Variants in FIBCD1 observed in about 807,000 individuals in gnomAD.
The protein encoded by FIBCD1 is fibrinogen C domain containing 1, also known as fibrinogen C domain-containing protein 1.
A neutral mutation model predicts 45.1 loss-of-function variants in FIBCD1; 47 were observed. The ratio of observed to expected loss-of-function variants is 1.04; its 90% CI spans 0.82 to 1.33. The LOEUF (loss-of-function observed/expected upper bound fraction) is 1.33. Ranked by LOEUF, FIBCD1 falls within the 40% of genes most tolerant of loss-of-function variation. The probability of loss-of-function intolerance (pLI) is 0.00; values close to 1 mark genes in which losing one functional copy is unlikely to be tolerated. For synonymous variants in FIBCD1, 313 were observed against 308.1 expected (o/e 1.02, Z -0.17); for missense variants, 653 against 682.2 (o/e 0.96, Z 0.48).
At chr9:130,905,037 A>T (rs7033886) in intron 6 of FIBCD1, among the ~76,000 whole-genome samples, 197 bp downstream of exon 6, 6,403 of 152,262 alleles carry the variant, frequency 0.042, 434 homozygotes, top group African/African-American at 0.14. Flanking sequence ...CTTAAAAAAA[A>T]TTTAGATTGG....
In FIBCD1 at chr9:130,903,642, G is replaced by A. The variant is rs1220256831; in HGVS notation, c.*422C>T. The stretch of plus-strand genomic sequence containing the variant: ...CTCAGAGAGACCTGACGTTCCCCAC[G>A]ATCTGCTAGGAGGACTCCAGGGGTG... On this transcript the variant is annotated 3_prime_UTR_variant, in exon 7 of 7. Transcript: ENST00000372338. The A allele has an allele frequency of 6.9e-6, 2 of 289,944 alleles. No individual in the cohort carries two copies. The highest frequency in any genetic ancestry group is 4.3e-5 in the African/African-American group (2 of 46,062). The allele number at this position is 289,944 out of a possible 1,614,324, so 18.0% of individuals were successfully genotyped here. A position where few individuals can be genotyped will look rare whatever the true frequency, so the allele number is the denominator to read the frequency against.
upstream of FIBCD1, among the ~76,000 whole-genome samples, chr9:130,939,818 G>A (rs1832589565): frequency 6.6e-6 from 1 of 151,948 alleles, no homozygotes; most frequent in Non-Finnish European, 1.5e-5. Context: ...AGCGGCCTTC[G>A]GAGGTAATTG....
rs1267924683 is a variant in FIBCD1, at chr9:130,926,571, G to A, written c.553-2175C>T. 3.9e-5 allele frequency among the ~76,000 whole-genome samples: 6 copies of A among 152,232 alleles called. No homozygotes were observed. Among genetic ancestry groups the A allele is most frequent in the Non-Finnish European group, 4.4e-5 (3 of 68,044 alleles). The stretch of plus-strand genomic sequence containing the variant: ...GTGGTGGCTCACGCCTGTAATCCCA[G>A]CACTTTGGGAGGCCAAGTTGGGTGG... On this transcript the variant is annotated intron_variant, in intron 2 of 6. Transcript: ENST00000372338. The surrounding 1 kb of genome is among the most constrained non-coding windows in gnomAD (Gnocchi z 4.1).
chr9:130,910,940 CT>C (rs1393726139), intron 5 of FIBCD1, among the ~76,000 whole-genome samples: 11 of 152,172 alleles, frequency 7.2e-5, no homozygotes, highest in Non-Finnish European at 1.6e-4. Flanking sequence ...GGTGGAGAAC[CT>C]TTGTGTCTAG....
chr9:130,935,897 G>A (rs975990403), intron 1 of FIBCD1, among the ~76,000 whole-genome samples: 44 of 152,176 alleles, frequency 2.9e-4, no homozygotes, highest in African/African-American at 9.4e-4. Context: ...CTTGGAGTGC[G>A]GCGTCAGCGT....
intron 4 of FIBCD1, among the ~76,000 whole-genome samples, chr9:130,913,451 G>A (rs1832102476): frequency 6.6e-6 from 1 of 152,338 alleles, no homozygotes; most frequent in South Asian, 2.1e-4. Flanking sequence ...TCTGCCGCGT[G>A]AGCGTTTGCC....
chr9:130,924,013 G>C (rs752413262), intron 3 of FIBCD1, 133 bp from the exon 4 acceptor site: 1 of 1,416,066 alleles, frequency 7.1e-7, no homozygotes, highest in Non-Finnish European at 9.6e-7. Context: ...CTTGGAGTCC[G>C]ACCTTGGCTC....
intron 1 of FIBCD1, among the ~76,000 whole-genome samples, chr9:130,934,783 C>T (rs1588114392): frequency 6.6e-6 from 1 of 152,192 alleles, no homozygotes; most frequent in African/African-American, 2.4e-5. Context: ...CTGGCACCTC[C>T]TCAGGTCTCC....
chr9:130,918,545 C>T (rs1057468854), intron 4 of FIBCD1, among the ~76,000 whole-genome samples: 4 of 152,340 alleles, frequency 2.6e-5, no homozygotes, highest in Non-Finnish European at 2.9e-5. Context: ...CCCAGCCTCC[C>T]GGGCTTTCTG....
rs988991049 is a variant in FIBCD1 at position 130,922,155 on chromosome 9, A to T, written c.849+1589T>A. Among the ~76,000 whole-genome samples the T allele has an allele frequency of 2.6e-5, 4 of 152,118 alleles. No individual in the cohort carries two copies. The highest frequency in any genetic ancestry group is 4.4e-5 in the Non-Finnish European group (3 of 68,024). On this transcript the variant is annotated intron_variant, in intron 4 of 6. Transcript: ENST00000372338. This position sits in a 1 kb window ranked among gnomAD's most constrained non-coding sequence, Gnocchi z 4.5. ...TTGTCTGATGTTAAGCCCTTCCCCC[A>T]GATGTTTGTGGGCCTGGACATCAAT...
At chr9:130,937,576 G>A (rs1406557222) in intron 1 of FIBCD1, among the ~76,000 whole-genome samples, 1 of 152,212 alleles carries the variant, frequency 6.6e-6, no homozygotes, top group Admixed American at 6.5e-5. Context: ...CCCTCCTGCA[G>A]CTGCAAGCAC....
intron 6 of FIBCD1, 132 bp from the exon 7 acceptor site, chr9:130,904,455 A>T: frequency 2.2e-6 from 3 of 1,336,098 alleles, no homozygotes; most frequent in Admixed American, 4.6e-5. Context: ...ACGTGCTCTC[A>T]CACATACTGC....
At chr9:130,907,617 A>G in intron 5 of FIBCD1, among the ~76,000 whole-genome samples, 1 of 152,154 alleles carries the variant, frequency 6.6e-6, no homozygotes, top group Admixed American at 6.5e-5. Context: ...ACAGAAGAAA[A>G]GCCTGGGCGC....
chr9:130,934,678 A>G (rs1410882759), intron 1 of FIBCD1, among the ~76,000 whole-genome samples: 8 of 152,246 alleles, frequency 5.3e-5, no homozygotes, highest in Non-Finnish European at 5.9e-5. Context: ...CCTCAAGCCC[A>G]CTGAGGCCCA....
In FIBCD1 at chr9:130,935,720, C is replaced by T. The variant is rs180898252; in HGVS notation, c.72+2816G>A. The stretch of plus-strand genomic sequence containing the variant: ...ACCAAGAAAGGGCGGCCAGCCACCC[C>T]TTAGGCACTTGTCTGCTGTCCAAGA... On this transcript the variant is annotated intron_variant, in intron 1 of 6. Coordinates refer to ENST00000372338, the MANE Select transcript of FIBCD1 (RefSeq NM_032843.5). Among the ~76,000 whole-genome samples, 57 of 152,356 alleles carry T rather than the reference C, an allele frequency of 3.7e-4. 2 individuals carry two copies. In the East Asian group the frequency reaches 9.6e-3, roughly 26 times the overall value.
intron 4 of FIBCD1, among the ~76,000 whole-genome samples, chr9:130,917,266 T>C (rs1832179363): frequency 6.6e-6 from 1 of 152,210 alleles, no homozygotes; most frequent in Non-Finnish European, 1.5e-5. Context: ...CGCAGCCTCT[T>C]GGGCAGATGC....
intron 1 of FIBCD1, among the ~76,000 whole-genome samples, chr9:130,932,183 G>A (rs1352447866): frequency 6.6e-6 from 1 of 152,198 alleles, no homozygotes. Context: ...ACATCATTGT[G>A]TCTTACTACC....
chr9:130,904,429 G>C, intron 6 of FIBCD1, 106 bp from the exon 7 acceptor site: 1 of 1,451,946 alleles, frequency 6.9e-7, no homozygotes, highest in East Asian at 2.3e-5. Flanking sequence ...CTGGACGTGA[G>C]TGCATACACG....
rs2133083450 is a variant in FIBCD1, at chr9:130,913,924, T to A, written c.850-2036A>T. ...GCATGCTCAGTGGTGAAGGAGTTCC[T>A]GAAGGCAGGGGAGCCCAGTGGTTGT... On this transcript the variant is annotated intron_variant, in intron 4 of 6. Transcript: ENST00000372338. Among the ~76,000 whole-genome samples the A allele has an allele frequency of 1.3e-5, 2 of 152,170 alleles. 1 individual carries two copies. The highest frequency in any genetic ancestry group is 4.8e-5 in the African/African-American group (2 of 41,514).
Sources: gnomAD v4.1 joint callset for allele counts (sites outside exome capture counted in the v4.1 genomes callset) on GRCh38, gnomAD v4.1.1 for gene constraint, Gnocchi (gnomAD v3.1) non-coding constraint, MANE v1.5 for transcripts, NCBI Gene and HGNC (gene_info 2026-07-23, HGNC 2026-07-21) for gene names.